Variants in ITM2B observed in about 807,000 individuals in gnomAD.
ITM2B encodes ABri/ADan amyloid peptide.
Under a neutral mutation model 27.8 loss-of-function variants are expected in ITM2B, and 11 were observed. That is an observed-to-expected ratio of 0.40 (90% CI 0.25 to 0.66). The LOEUF (loss-of-function observed/expected upper bound fraction) is 0.66, where lower values mean the gene tolerates loss of function less well. Among genes scored for constraint, ITM2B ranks in the 30% least tolerant of loss-of-function variants. The pLI is 0.43. For synonymous variants in ITM2B, 114 were observed against 114.3 expected (o/e 1.00, Z 0.02); for missense variants, 296 against 328.9 (o/e 0.90, Z 0.77).
intron 1 of ITM2B, among the ~76,000 whole-genome samples, chr13:48,238,825 A>T (rs773012973): frequency 3.3e-4 from 49 of 150,598 alleles, no homozygotes; most frequent in African/African-American, 5.1e-4. Context: ...TCAAATTATT[A>T]TTTTTTTTTA....
intron 1 of ITM2B, among the ~76,000 whole-genome samples, chr13:48,252,212 A>G (rs1355117226): frequency 2.0e-5 from 3 of 152,220 alleles, no homozygotes; most frequent in Admixed American, 6.5e-5. Context: ...TTTCAGTTGT[A>G]TCATGTTAAA....
At chr13:48,261,087 A>C in intron 5 of ITM2B, 52 bp from the exon 6 acceptor site, 1 of 1,136,602 alleles carries the variant, frequency 8.8e-7, no homozygotes. Context: ...TGATGTGAAT[A>C]TTTATTATTA....
At chr13:48,252,616 A>G (rs1310663535) in intron 1 of ITM2B, among the ~76,000 whole-genome samples, 1 of 152,198 alleles carries the variant, frequency 6.6e-6, no homozygotes, top group African/African-American at 2.4e-5. Context: ...CCTGGTGCCA[A>G]AAAAGGTTGT....
chr13:48,236,659 G>C (rs1423590880), intron 1 of ITM2B, among the ~76,000 whole-genome samples: 1 of 152,134 alleles, frequency 6.6e-6, no homozygotes, highest in Non-Finnish European at 1.5e-5. Flanking sequence ...GTAGCAGTGG[G>C]TCAAAGAGAA....
Position 48,258,798 on chromosome 13 carries a change from C to G in ITM2B, c.566C>G (p.Ala189Gly), listed in dbSNP as rs1244495796. 1 of 1,613,250 alleles carries G rather than the reference C, an allele frequency of 6.2e-7. No individual in the cohort carries two copies. The highest frequency in any genetic ancestry group is 8.5e-7 in the Non-Finnish European group (1 of 1,179,268). Residue 189 changes from alanine (A) to glycine (G), a missense_variant and splice_region_variant, in exon 5 of 6, where the codon GCT becomes GGT. Physicochemically the swap from Ala to Gly is moderately conservative, Grantham distance 60. Coordinates refer to ENST00000647800, the MANE Select transcript of ITM2B (RefSeq NM_021999.5). ...NLLELLINIK[A>G]GTYLPQSYLI... Reference sequence around the variant, plus strand: ...TCATGTATTCTTTTCTGAATGTAGGCTGGAACCTATTTGCCTCAGTCCTAT... The same window carrying G: ...TCATGTATTCTTTTCTGAATGTAGGGTGGAACCTATTTGCCTCAGTCCTAT...
At position 48,261,297 on chromosome 13, in the gene ITM2B, A is replaced by G. The variant is rs1417701306; in HGVS notation, c.*73A>G. 9.5e-7 allele frequency: 1 copy of G among 1,049,454 alleles called. No homozygotes were observed. The highest frequency in any genetic ancestry group is 1.6e-5 in the African/African-American group (1 of 63,770). 65.0% of individuals were successfully genotyped at this position (1,049,454 alleles called of 1,614,324 possible). A position where few individuals can be genotyped will look rare whatever the true frequency, so the allele number is the denominator to read the frequency against. On this transcript the variant is annotated 3_prime_UTR_variant, in exon 6 of 6. Coordinates refer to ENST00000647800, the MANE Select transcript of ITM2B (RefSeq NM_021999.5). Reference sequence around the variant, plus strand: ...CCCACCCTTTACATTTTGTGCAGTGATTATTTTTTAAAGTCTTCTTTCATG... The same window carrying G: ...CCCACCCTTTACATTTTGTGCAGTGGTTATTTTTTAAAGTCTTCTTTCATG...
At chr13:48,244,591 A>G (rs1951715409) in intron 1 of ITM2B, among the ~76,000 whole-genome samples, 1 of 152,182 alleles carries the variant, frequency 6.6e-6, no homozygotes, top group Admixed American at 6.5e-5. Flanking sequence ...TATACTTGGA[A>G]TTTTCTTACC....
chr13:48,246,974 A>G (rs540807446), intron 1 of ITM2B, among the ~76,000 whole-genome samples: 3 of 152,216 alleles, frequency 2.0e-5, no homozygotes, highest in East Asian at 3.9e-4. Flanking sequence ...GATTACAGGC[A>G]CAAGCCACCA....
In ITM2B at chr13:48,263,152, G is replaced by C. The variant is rs142591149; in HGVS notation, c.*1928G>C. The C allele has an allele frequency of 1.6e-3, 239 of 152,100 alleles. No homozygotes were observed. Among genetic ancestry groups the C allele is most frequent in the African/African-American group, 5.4e-3 (225 of 41,494 alleles). 9.4% of individuals were successfully genotyped at this position (152,100 alleles called of 1,614,324 possible). On this transcript the variant is annotated 3_prime_UTR_variant, in exon 6 of 6. Coordinates refer to ENST00000647800, the MANE Select transcript of ITM2B (RefSeq NM_021999.5). ...TAATTCTTTCATTTGAATTTTTAAA[G>C]GTTTTTGTATAATCATCTTAGTAAA... is the stretch of plus-strand genomic sequence containing the variant.
intron 2 of ITM2B, chr13:48,255,055 T>C (rs1315106966): frequency 1.3e-5 from 2 of 152,052 alleles, no homozygotes. Flanking sequence ...TTTGTACTTT[T>C]AGTAGAGACA....
chr13:48,256,231 A>G lies in ITM2B; in HGVS notation c.301A>G (p.Asn101Asp). 6.2e-7 allele frequency: 1 copy of G among 1,613,838 alleles called. No homozygotes were observed. Among genetic ancestry groups the G allele is most frequent in the Non-Finnish European group, 8.5e-7 (1 of 1,179,756 alleles). The change falls in exon 3 of 6, where the codon AAT (asparagine) becomes GAT (aspartate). Residue 101 changes from asparagine (N) to aspartate (D), a missense_variant. Transcript: ENST00000647800. ...IKYIKDDVILNEPSADAPAAL... is the reference protein window; with the variant it reads ...IKYIKDDVILDEPSADAPAAL... ...GTACATCAAAGATGATGTCATCTTA[A>G]ATGAGCCCTCTGCAGATGCCCCAGC... is the stretch of plus-strand genomic sequence containing the variant.
At chr13:48,256,868 A>G (rs1951792499) in intron 3 of ITM2B, among the ~76,000 whole-genome samples, 1 of 152,176 alleles carries the variant, frequency 6.6e-6, no homozygotes, top group South Asian at 2.1e-4. Flanking sequence ...GTCATTTGAC[A>G]TAAGTACTTA....
At chr13:48,244,093 A>G (rs1288188758) in intron 1 of ITM2B, among the ~76,000 whole-genome samples, 3 of 152,214 alleles carry the variant, frequency 2.0e-5, no homozygotes, top group African/African-American at 4.8e-5. Flanking sequence ...GGATTAAACT[A>G]CCTTCATGGT....
At chr13:48,233,619 C>A (rs1472323336) in intron 1 of ITM2B, 142 bp downstream of exon 1, 1 of 505,240 alleles carries the variant, frequency 2.0e-6, no homozygotes, top group Non-Finnish European at 3.4e-6. Flanking sequence ...CCGGCGCTCC[C>A]GTTTCCTGTG....
chr13:48,233,550 G>A (rs559127285), intron 1 of ITM2B, 73 bp downstream of exon 1: 2 of 1,037,636 alleles, frequency 1.9e-6, no homozygotes, highest in South Asian at 1.7e-5. Flanking sequence ...TGCAGCGGCA[G>A]TGCGCCCCGA....
At position 48,264,436 on chromosome 13, in the gene ITM2B, A is replaced by G. The variant is rs570155660; in HGVS notation, c.*3212A>G. ...AAGGCTGATTAATAATGCAAATGAAAAGGCAAATGGATTATTGAATAGAAA... is the reference window on the plus strand; with the variant it reads ...AAGGCTGATTAATAATGCAAATGAAGAGGCAAATGGATTATTGAATAGAAA... On this transcript the variant is annotated 3_prime_UTR_variant, in exon 6 of 6. Coordinates refer to ENST00000647800, the MANE Select transcript of ITM2B (RefSeq NM_021999.5). 9.2e-5 allele frequency: 14 copies of G among 152,330 alleles called. No individual in the cohort carries two copies. In the East Asian group the frequency reaches 1.9e-3, roughly 21 times the overall value. 9.4% of individuals were successfully genotyped at this position (152,330 alleles called of 1,614,324 possible). A position where few individuals can be genotyped will look rare whatever the true frequency, so the allele number is the denominator to read the frequency against.
At position 48,246,391 on chromosome 13, in the gene ITM2B, T is replaced by TA. The variant is rs796344158; in HGVS notation, c.118-7412dup. Reference sequence around the variant, plus strand: ...AGCAATCTCATTTCAAAAGGCAAATTAAAAAGCAAAATTCAGATACTGATT... The same window carrying TA: ...AGCAATCTCATTTCAAAAGGCAAATTAAAAAAGCAAAATTCAGATACTGATT... On this transcript the variant is annotated intron_variant, in intron 1 of 5. Transcript: ENST00000647800. Among the ~76,000 whole-genome samples, 5 of 152,278 alleles carry TA rather than the reference T, an allele frequency of 3.3e-5. No homozygotes were observed. The South Asian group carries it at 1.0e-3, about 32-fold the overall frequency.
At chr13:48,259,696 CTTTTT>C (rs35401842) in intron 5 of ITM2B, among the ~76,000 whole-genome samples, 1 of 129,884 alleles carries the variant, frequency 7.7e-6, no homozygotes, top group Non-Finnish European at 1.7e-5. Context: ...AGCTTGATTT[CTTTTT>C]TTTTTTTTTT....
chr13:48,261,961 A>AT lies in ITM2B; in HGVS notation c.*743dup, dbSNP rs1951825660. On this transcript the variant is annotated 3_prime_UTR_variant, in exon 6 of 6. Coordinates refer to ENST00000647800, the MANE Select transcript of ITM2B (RefSeq NM_021999.5). ...GAGAATCCACATAAAAGAAGAAACT[A>AT]TTTTTTAAAAATTCACTTCTATATA... The AT allele has an allele frequency of 6.6e-6, 1 of 152,526 alleles. No homozygotes were observed. The highest frequency in any genetic ancestry group is 1.5e-5 in the Non-Finnish European group (1 of 67,994). 9.4% of individuals were successfully genotyped at this position (152,526 alleles called of 1,614,324 possible). A position where few individuals can be genotyped will look rare whatever the true frequency, so the allele number is the denominator to read the frequency against.
Sources: gnomAD v4.1 joint callset for allele counts (sites outside exome capture counted in the v4.1 genomes callset) on GRCh38, gnomAD v4.1.1 for gene constraint, MANE v1.5 for transcripts, NCBI Gene and HGNC (gene_info 2026-07-23, HGNC 2026-07-21) for gene names.